Variants in OTOA observed in about 807,000 individuals in gnomAD.
OTOA encodes the protein cancer/testis antigen 108.
OTOA carries 70 observed loss-of-function variants against 110.8 expected under a neutral mutation model. That is an observed-to-expected ratio of 0.63 (90% CI 0.52 to 0.77). The LOEUF is 0.77. Among genes scored for constraint, OTOA ranks in the 30% least tolerant of loss-of-function variants. The pLI, the probability that OTOA is intolerant of heterozygous loss-of-function variation, is 0.00. For missense variants in OTOA, 917 were observed against 1,075.8 expected, an observed-to-expected ratio of 0.85 and a Z score of 2.06; for synonymous variants, 373 against 431.5, an observed-to-expected ratio of 0.86 and a Z score of 1.68.
In OTOA at chr16:21,726,575, A is replaced by C; in HGVS notation, c.1933A>C (p.Ser645Arg). The change falls in exon 19 of 29, where the codon AGC (serine) becomes CGC (arginine). Residue 645 changes from serine to arginine, a missense_variant. Around this residue, in one of 6 missense-constraint regions of OTOA, gnomAD observed 840 missense variants for 910.2 expected, o/e 0.92. Transcript: ENST00000646100. ...CTCCCAGTGTGTGCCCTTTCTGATC[A>C]GCCTGGGGAAGAGCTGGTTGGACTC... is the stretch of plus-strand genomic sequence containing the variant. ...PASQCVPFLISLGKSWLDSLV... is the reference protein window; with the variant it reads ...PASQCVPFLIRLGKSWLDSLV... The C allele has an allele frequency of 6.2e-7, 1 of 1,614,034 alleles. No homozygotes were observed. Among genetic ancestry groups the C allele is most frequent in the Non-Finnish European group, 8.5e-7 (1 of 1,179,998 alleles).
At chr16:21,760,097 C>T (rs1900121329) in intron 28 of OTOA, among the ~76,000 whole-genome samples, 1 of 151,956 alleles carries the variant, frequency 6.6e-6, no homozygotes, top group Non-Finnish European at 1.5e-5. Context: ...TGGATGAACC[C>T]TTCCTATGGA....
chr16:21,706,818 C>T (rs1037987199), intron 12 of OTOA, among the ~76,000 whole-genome samples: 72 of 147,104 alleles, frequency 4.9e-4, no homozygotes, highest in African/African-American at 1.7e-3. Flanking sequence ...TTTTGGTCAG[C>T]GCATCTTTTT....
chr16:21,726,416 T>C, intron 18 of OTOA, 107 bp from the exon 19 acceptor site: 1 of 1,500,682 alleles, frequency 6.7e-7, no homozygotes, highest in Non-Finnish European at 9.2e-7. Context: ...AGAACAAACA[T>C]TTAAAGAATG....
intron 22 of OTOA, among the ~76,000 whole-genome samples, chr16:21,738,764 T>A (rs1899433287): frequency 1.3e-5 from 2 of 152,312 alleles, no homozygotes; most frequent in South Asian, 4.1e-4. Flanking sequence ...GGCCAAAACC[T>A]AACATTTGGG....
intron 4 of OTOA, 34 bp from the exon 5 acceptor site, chr16:21,679,150 T>C: frequency 1.2e-6 from 2 of 1,613,866 alleles, no homozygotes; most frequent in Non-Finnish European, 1.7e-6. Context: ...ATGATTCCTT[T>C]TAAAGATGTC....
chr16:21,713,039 C>G (rs1234169807), intron 13 of OTOA, among the ~76,000 whole-genome samples: 1 of 152,036 alleles, frequency 6.6e-6, no homozygotes, highest in Non-Finnish European at 1.5e-5. Flanking sequence ...TCTTGGCTCA[C>G]TTCAGCCTTG....
chr16:21,758,054 C>A (rs1480167038), intron 28 of OTOA, among the ~76,000 whole-genome samples: 5 of 151,892 alleles, frequency 3.3e-5, no homozygotes, highest in African/African-American at 1.2e-4. Flanking sequence ...TCAAATCTGA[C>A]AAGACCAGGG....
intron 1 of OTOA, among the ~76,000 whole-genome samples, chr16:21,672,230 G>T (rs1966850158): frequency 6.6e-6 from 1 of 152,136 alleles, no homozygotes; most frequent in African/African-American, 2.4e-5. Flanking sequence ...GTTCATCTGT[G>T]TTGTTGCCTA....
intron 22 of OTOA, among the ~76,000 whole-genome samples, chr16:21,738,361 C>T (rs1401421753): frequency 5.2e-5 from 6 of 116,014 alleles, no homozygotes; most frequent in East Asian, 2.3e-4. Context: ...TGGGTGGAGG[C>T]ATCGTGTGAC....
At chr16:21,679,566 G>T (rs941057193) in intron 5 of OTOA, among the ~76,000 whole-genome samples, 6 of 151,824 alleles carry the variant, frequency 4.0e-5, no homozygotes, top group African/African-American at 1.2e-4. Context: ...CACCATGCCC[G>T]GCTAATTTTT....
intron 1 of OTOA, among the ~76,000 whole-genome samples, chr16:21,671,052 G>A (rs1255738943): frequency 6.6e-6 from 1 of 152,104 alleles, no homozygotes; most frequent in Non-Finnish European, 1.5e-5. Context: ...GTAATGGGGA[G>A]AGGCGGAGGG....
chr16:21,701,650 G>C (rs1453669839), intron 11 of OTOA, among the ~76,000 whole-genome samples: 1 of 151,966 alleles, frequency 6.6e-6, no homozygotes, highest in Non-Finnish European at 1.5e-5. Context: ...ACAGAGTCTT[G>C]TCCTGTCACC....
chr16:21,733,494 C>T (rs1899182414), intron 21 of OTOA, among the ~76,000 whole-genome samples: 1 of 152,050 alleles, frequency 6.6e-6, no homozygotes, highest in Admixed American at 6.5e-5. Flanking sequence ...TAGACTGTGA[C>T]TCTAATTCTG....
chr16:21,693,728 A>G (rs1332528466), intron 9 of OTOA, among the ~76,000 whole-genome samples: 1 of 152,124 alleles, frequency 6.6e-6, no homozygotes, highest in Non-Finnish European at 1.5e-5. Context: ...GGTGCCTGCC[A>G]CCATGTCCAG....
chr16:21,719,689 C>G (rs1898670037), intron 17 of OTOA, among the ~76,000 whole-genome samples, 185 bp downstream of exon 17: 1 of 152,138 alleles, frequency 6.6e-6, no homozygotes, highest in South Asian at 2.1e-4. Context: ...ACCCACATCA[C>G]TACAGCCAAA....
intron 22 of OTOA, among the ~76,000 whole-genome samples, chr16:21,738,510 G>A (rs1899417623): frequency 7.8e-6 from 1 of 128,016 alleles, no homozygotes; most frequent in African/African-American, 2.7e-5. Context: ...CTCTCGGTGG[G>A]ATGGATGGGG....
intron 24 of OTOA, among the ~76,000 whole-genome samples, chr16:21,750,898 G>A (rs1159063517): frequency 0.25 from 1 of 4 alleles, no homozygotes; most frequent in East Asian, 0.5. Flanking sequence ...TGTGTCAGCC[G>A]CCTTAAATCA....
chr16:21,707,665 T>TTCTTTCTCTTTCTG (rs1898227683), intron 12 of OTOA, among the ~76,000 whole-genome samples: 1 of 137,236 alleles, frequency 7.3e-6, no homozygotes, highest in African/African-American at 2.6e-5. Flanking sequence ...TTCTCTTTCT[T>TTCTTTCTCTTTCTG]TCTCTTTCTG....
intron 11 of OTOA, among the ~76,000 whole-genome samples, chr16:21,702,829 C>T (rs1898079141): frequency 6.6e-6 from 1 of 152,150 alleles, no homozygotes. Context: ...GCACACGCCA[C>T]CACGCCCAGC....
Sources: allele counts gnomAD v4.1 joint callset (sites outside exome capture counted in the v4.1 genomes callset), GRCh38; gene constraint gnomAD v4.1.1; regional missense constraint gnomAD v4.1.1; transcripts MANE v1.5; gene names NCBI Gene and HGNC (gene_info 2026-07-23, HGNC 2026-07-21).